PLCH2: variants seen among roughly 807,000 people sequenced by gnomAD.
PLCH2 encodes 1-phosphatidylinositol 4,5-bisphosphate phosphodiesterase eta-2.
Under a neutral mutation model 134.7 loss-of-function variants are expected in PLCH2, and 98 were observed. That is an observed-to-expected ratio of 0.73 (90% CI 0.62 to 0.86). The LOEUF is 0.86. PLCH2 is among the 40% of genes least tolerant of loss of function. The pLI is 0.00. For synonymous variants in PLCH2, 974 were observed against 827.5 expected (o/e 1.18, Z -3.04); for missense variants, 1,994 against 1,986.6 (o/e 1.00, Z -0.07).
At chr1:2,497,132 T>A in intron 15 of PLCH2, 122 bp downstream of exon 15, 1 of 969,508 alleles carries the variant, frequency 1.0e-6, no homozygotes, top group Non-Finnish European at 1.5e-6. Context: ...TCTATTGCCC[T>A]TGGAGCCTCC....
chr1:2,432,320 T>C (rs1026386896), intron 2 of PLCH2, among the ~76,000 whole-genome samples: 2 of 152,136 alleles, frequency 1.3e-5, no homozygotes, highest in African/African-American at 2.4e-5. Context: ...AACTGAGCAC[T>C]CCGGCTGGGA....
rs113126293 is a variant in PLCH2, at chr1:2,482,561, C to T, written c.646-1887C>T. Among the ~76,000 whole-genome samples the T allele has an allele frequency of 4.8e-3, 733 of 152,354 alleles. 7 individuals carry two copies. The highest frequency in any genetic ancestry group is 0.017 in the African/African-American group (696 of 41,586). On this transcript the variant is annotated intron_variant, in intron 4 of 21. Transcript: ENST00000378486. ...GGCCTCATCCCAGCCTTGGTGTGGG[C>T]ACACAGCCTGTCCCTGGGGTCCTGA...
intron 2 of PLCH2, among the ~76,000 whole-genome samples, chr1:2,431,976 G>C (rs1365425329): frequency 1.3e-5 from 2 of 152,200 alleles, no homozygotes; most frequent in African/African-American, 4.8e-5. Flanking sequence ...GGTTGGCAAG[G>C]TGCCCCGGGT....
At chr1:2,482,073 C>T (rs757479196) in intron 4 of PLCH2, among the ~76,000 whole-genome samples, 7 of 152,382 alleles carry the variant, frequency 4.6e-5, no homozygotes, top group South Asian at 4.1e-4. Flanking sequence ...GGGCGGGCAC[C>T]GAGGCAGGCT....
In PLCH2 at chr1:2,495,570, G is replaced by C; in HGVS notation, c.1835G>C (p.Gly612Ala). The change falls in exon 13 of 22, where the codon GGG becomes GCG. Residue 612 changes from glycine (G) to alanine (A), a missense_variant and splice_region_variant. Around this residue, in one of 2 missense-constraint regions of PLCH2, gnomAD observed 1,094 missense variants for 1,234.3 expected, o/e 0.89. Coordinates refer to ENST00000378486, the MANE Select transcript of PLCH2 (RefSeq NM_014638.4). Reference sequence around the variant, plus strand: ...GACTCCCCGGGAGGCCAGAGCCGAGGGTAGGTGCCCTGCCCCACGGGGAGG... The same window carrying C: ...GACTCCCCGGGAGGCCAGAGCCGAGCGTAGGTGCCCTGCCCCACGGGGAGG... The part of the protein sequence containing the change: ...GQDSPGGQSR[G>A]ATRQKKTMKL... 6 of 1,545,824 alleles carry C rather than the reference G, an allele frequency of 3.9e-6. No homozygotes were observed. Among genetic ancestry groups the C allele is most frequent in the Non-Finnish European group, 5.2e-6 (6 of 1,144,166 alleles).
At chr1:2,501,728 C>T (rs928258848) in intron 20 of PLCH2, 5 of 212,274 alleles carry the variant, frequency 2.4e-5, no homozygotes, top group Admixed American at 5.9e-5. Context: ...CCGGGGGCTG[C>T]GGGCCTCTGA....
rs367683060 is a variant in PLCH2 at position 2,496,908 on chromosome 1, C to A, written c.2014C>A (p.Arg672Ser). The change falls in exon 15 of 22, where the codon CGC becomes AGC. Residue 672 changes from arginine to serine, a missense_variant. By Grantham distance (110) the Arg-to-Ser change is moderately radical. Coordinates refer to ENST00000378486, the MANE Select transcript of PLCH2 (RefSeq NM_014638.4). ...GCAGCAGAAGCCGGCGCAGTACCTA[C>A]GCTTCAACCAGCAGCAGCTCTCCCG... is the stretch of plus-strand genomic sequence containing the variant. ...ILQQKPAQYL[R>S]FNQQQLSRIY... The A allele has an allele frequency of 1.9e-6, 3 of 1,613,180 alleles. No individual in the cohort carries two copies. The highest frequency in any genetic ancestry group is 2.5e-6 in the Non-Finnish European group (3 of 1,179,838).
chr1:2,466,872 G>T (rs941701001), upstream of PLCH2, among the ~76,000 whole-genome samples: 33 of 152,182 alleles, frequency 2.2e-4, no homozygotes, highest in Admixed American at 1.4e-3. Flanking sequence ...GAGAGCACAG[G>T]AAGGGGTGTA....
At chr1:2,437,024 C>T (rs1186899349) in intron 2 of PLCH2, among the ~76,000 whole-genome samples, 1 of 152,214 alleles carries the variant, frequency 6.6e-6, no homozygotes, top group East Asian at 1.9e-4. Flanking sequence ...GCTTTGCTCC[C>T]AAGACCCTCC....
chr1:2,498,226 C>A lies in PLCH2; in HGVS notation c.2225-297C>A. The A allele has an allele frequency of 2.4e-6, 1 of 424,530 alleles. No individual in the cohort carries two copies. The highest frequency in any genetic ancestry group is 4.3e-6 in the Non-Finnish European group (1 of 234,862). 26.3% of individuals were successfully genotyped at this position (424,530 alleles called of 1,614,324 possible). On this transcript the variant is annotated intron_variant, in intron 16 of 21. Transcript: ENST00000378486. This position sits in a 1 kb window ranked among gnomAD's most constrained non-coding sequence, Gnocchi z 5.4. ...CCTGGGGACACTGTCACCAGAGACC[C>A]CACCCCTCATACCCCCAGGGACCCA...
the PLCH2 span, among the ~76,000 whole-genome samples, chr1:2,416,433 C>A: frequency 6.6e-6 from 1 of 152,248 alleles, no homozygotes. Context: ...AAGCCCCTCG[C>A]AGTGCCAGCC....
At chr1:2,502,798 C>T (rs1158179960) in intron 21 of PLCH2, 3 of 716,794 alleles carry the variant, frequency 4.2e-6, no homozygotes, top group Non-Finnish European at 7.8e-6. Flanking sequence ...AAAGGTCCCC[C>T]CGCTGGCCTG....
At chr1:2,495,011 C>T in intron 12 of PLCH2, 63 bp downstream of exon 12, 1 of 1,111,112 alleles carries the variant, frequency 9.0e-7, no homozygotes, top group Non-Finnish European at 1.3e-6. Flanking sequence ...GCTCCCAGTG[C>T]CCCGTGTCCT....
At chr1:2,489,099 A>T in intron 8 of PLCH2, 108 bp from the exon 9 acceptor site, 1 of 994,262 alleles carries the variant, frequency 1.0e-6, no homozygotes, top group Non-Finnish European at 1.5e-6. Flanking sequence ...CCTGGTGAAG[A>T]CCCCTCCTCA....
chr1:2,502,625 C>A (rs111897165), intron 21 of PLCH2: 3 of 684,214 alleles, frequency 4.4e-6, no homozygotes, highest in Non-Finnish European at 8.0e-6. Context: ...GCCCCGGGCC[C>A]GGGCTGACTC....
chr1:2,483,757 C>CCCCGTGTGGGGGGTGCTGACT (rs138594264), intron 4 of PLCH2, among the ~76,000 whole-genome samples: 1 of 96,036 alleles, frequency 1.0e-5, no homozygotes, highest in East Asian at 3.0e-4. Flanking sequence ...TGTTGTTGAC[C>CCCCGTGTGGGGGGTGCTGACT]CCCGTTTGGG....
rs370532898 is a variant in PLCH2, at chr1:2,487,618, G to A, written c.1135G>A (p.Asp379Asn). 117 of 1,612,996 alleles carry A rather than the reference G, an allele frequency of 7.3e-5. No homozygotes were observed. The highest frequency in any genetic ancestry group is 4.1e-4 in the South Asian group (37 of 91,034). The change falls in exon 8 of 22, where the codon GAC becomes AAC. Residue 379 changes from aspartate to asparagine, a missense_variant. Asp to Asn is a conservative substitution (Grantham distance 23). Coordinates refer to ENST00000378486, the MANE Select transcript of PLCH2 (RefSeq NM_014638.4). ...TGCAGTGGACTGCTGGGATGGGCCC[G>A]ACGGGGAGCCCATTGTGCACCATGG... ...CVEVDCWDGP[D>N]GEPIVHHGYT...
chr1:2,494,711 C>T (rs1642780913), intron 11 of PLCH2, 145 bp from the exon 12 acceptor site: 1 of 656,276 alleles, frequency 1.5e-6, no homozygotes, highest in African/African-American at 1.8e-5. Context: ...CCCGCCCTGC[C>T]CTCCCCTCCC....
At chr1:2,500,932 CCTT>C (rs1026087299) in intron 20 of PLCH2, 1 of 149,852 alleles carries the variant, frequency 6.7e-6, no homozygotes, top group Admixed American at 6.6e-5. Context: ...CTATCCCCCT[CCTT>C]CTCTCTCCTG....
Sources: allele counts gnomAD v4.1 joint callset (sites outside exome capture counted in the v4.1 genomes callset), GRCh38; gene constraint gnomAD v4.1.1; regional missense constraint gnomAD v4.1.1; non-coding constraint Gnocchi (gnomAD v3.1); transcripts MANE v1.5; gene names NCBI Gene and HGNC (gene_info 2026-07-23, HGNC 2026-07-21).